BMPR1B: variants seen among roughly 807,000 people sequenced by gnomAD.
BMPR1B encodes the protein bone morphogenetic protein receptor type-1B.
In BMPR1B, 12 loss-of-function variants were observed where a neutral mutation model predicts 59.1. The observed-to-expected ratio is 0.20, with a 90% CI of 0.13 to 0.33. The LOEUF (loss-of-function observed/expected upper bound fraction) is 0.33. BMPR1B is among the 10% of genes least tolerant of loss of function. The pLI, the probability that BMPR1B is intolerant of heterozygous loss-of-function variation, is 1.00. For synonymous variants in BMPR1B, 237 were observed against 207.3 expected (o/e 1.14, Z -1.23); for missense variants, 550 against 610.9 (o/e 0.90, Z 1.05).
At chr4:94,954,277 C>T (rs12642960) in intron 2 of BMPR1B, among the ~76,000 whole-genome samples, 37,605 of 152,054 alleles carry the variant, frequency 0.25, 4,673 homozygotes, top group South Asian at 0.36. Context: ...TTTCCTGATT[C>T]TTTTCTCTCC....
chr4:95,020,527 C>T (rs371653458), intron 3 of BMPR1B, among the ~76,000 whole-genome samples: 13 of 149,576 alleles, frequency 8.7e-5, no homozygotes, highest in East Asian at 5.9e-4. Context: ...TGCAGTGAGC[C>T]GAGATTGCGC....
chr4:95,039,423 T>G (rs888318257), intron 3 of BMPR1B, among the ~76,000 whole-genome samples: 3 of 80,604 alleles, frequency 3.7e-5, no homozygotes, highest in African/African-American at 9.3e-5. Flanking sequence ...TACTTCTTCT[T>G]TTTTTTTTTT....
At chr4:95,012,695 G>T (rs1578925933) in intron 3 of BMPR1B, among the ~76,000 whole-genome samples, 1 of 152,068 alleles carries the variant, frequency 6.6e-6, no homozygotes, top group Non-Finnish European at 1.5e-5. Flanking sequence ...ATTAATCACA[G>T]AATTTACTGT....
At chr4:94,812,754 T>G (rs1024167606) in intron 1 of BMPR1B, among the ~76,000 whole-genome samples, 1 of 152,124 alleles carries the variant, frequency 6.6e-6, no homozygotes, top group Admixed American at 6.6e-5. Context: ...TTGCTAGAAT[T>G]GGGGGGTTAG....
At chr4:94,913,119 A>G (rs1388990860) in intron 2 of BMPR1B, among the ~76,000 whole-genome samples, 1 of 152,134 alleles carries the variant, frequency 6.6e-6, no homozygotes, top group Non-Finnish European at 1.5e-5. Context: ...TATTTGATGT[A>G]ATTTTTTATT....
intron 3 of BMPR1B, among the ~76,000 whole-genome samples, chr4:95,089,928 A>G (rs1189013848): frequency 6.6e-6 from 1 of 152,174 alleles, no homozygotes. Context: ...TACTTTGGAT[A>G]TAGACTAATG....
intron 2 of BMPR1B, among the ~76,000 whole-genome samples, chr4:94,916,565 A>G (rs1378736306): frequency 1.3e-5 from 2 of 152,236 alleles, no homozygotes; most frequent in Non-Finnish European, 2.9e-5. Flanking sequence ...AGTGTTCACC[A>G]TGTGGCCTGG....
chr4:95,090,273 ATATATTTAAAT>A (rs1238795169), intron 3 of BMPR1B, among the ~76,000 whole-genome samples: 11 of 151,770 alleles, frequency 7.2e-5, no homozygotes, highest in Admixed American at 1.3e-4. Context: ...TCTTTAATAT[ATATATTTAAAT>A]TATAGTTACA....
At chr4:95,070,912 T>C (rs1728232369) in intron 3 of BMPR1B, among the ~76,000 whole-genome samples, 1 of 152,174 alleles carries the variant, frequency 6.6e-6, no homozygotes, top group South Asian at 2.1e-4. Flanking sequence ...AGCCTCAAAC[T>C]CTTTATTTTG....
chr4:94,996,453 T>G (rs1417039558), intron 3 of BMPR1B: 1 of 152,224 alleles, frequency 6.6e-6, no homozygotes, highest in Non-Finnish European at 1.5e-5. Flanking sequence ...TTTACTTTTA[T>G]GTCGGTATTA....
chr4:94,916,282 G>T (rs1377776246), intron 2 of BMPR1B, among the ~76,000 whole-genome samples: 1 of 152,186 alleles, frequency 6.6e-6, no homozygotes, highest in East Asian at 1.9e-4. Context: ...GGACTCAGAA[G>T]AAGATAGGAA....
intron 3 of BMPR1B, among the ~76,000 whole-genome samples, chr4:95,028,177 G>T (rs2149149584): frequency 6.6e-6 from 1 of 152,280 alleles, no homozygotes; most frequent in South Asian, 2.1e-4. Context: ...TCTCCCAGTT[G>T]TATATAATGC....
intron 2 of BMPR1B, among the ~76,000 whole-genome samples, chr4:94,976,383 G>T (rs1441894393): frequency 2.0e-5 from 3 of 152,176 alleles, no homozygotes; most frequent in Non-Finnish European, 4.4e-5. Flanking sequence ...TTGAGTGTCA[G>T]AGTTATATGT....
chr4:95,041,401 C>T (rs75756532), intron 3 of BMPR1B, among the ~76,000 whole-genome samples: 10,296 of 152,054 alleles, frequency 0.068, 470 homozygotes, highest in Middle Eastern at 0.22. Flanking sequence ...AGAGTTCCAC[C>T]CGCCATGGGT....
At chr4:94,876,187 A>G (rs1302621933) in intron 2 of BMPR1B, among the ~76,000 whole-genome samples, 2 of 152,224 alleles carry the variant, frequency 1.3e-5, no homozygotes, top group East Asian at 1.9e-4. Flanking sequence ...TTCCTCAAAC[A>G]TTTACACACT....
At chr4:94,885,237 A>G (rs1248182789) in intron 2 of BMPR1B, among the ~76,000 whole-genome samples, 1 of 152,188 alleles carries the variant, frequency 6.6e-6, no homozygotes, top group Non-Finnish European at 1.5e-5. Flanking sequence ...GTTTTAGGGT[A>G]GCTTATTTTT....
At chr4:94,863,266 C>T (rs762848385) in intron 1 of BMPR1B, among the ~76,000 whole-genome samples, 13 of 152,124 alleles carry the variant, frequency 8.5e-5, no homozygotes. Flanking sequence ...AAAACGTACA[C>T]CAAACCCTAC....
chr4:94,868,869 A>C (rs1726362382), intron 1 of BMPR1B, among the ~76,000 whole-genome samples: 1 of 152,180 alleles, frequency 6.6e-6, no homozygotes, highest in Admixed American at 6.6e-5. Flanking sequence ...TACAGCATGA[A>C]GGCTTGAATG....
chr4:95,084,143 C>T (rs1729382799), intron 3 of BMPR1B, among the ~76,000 whole-genome samples: 1 of 151,702 alleles, frequency 6.6e-6, no homozygotes, highest in African/African-American at 2.4e-5. Context: ...GCTTTAAAAT[C>T]TACCTGAAAT....
Sources: gnomAD v4.1 joint callset for allele counts (sites outside exome capture counted in the v4.1 genomes callset) on GRCh38, gnomAD v4.1.1 for gene constraint, MANE v1.5 for transcripts, NCBI Gene and HGNC (gene_info 2026-07-23, HGNC 2026-07-21) for gene names.